ATRX: variants seen among roughly 807,000 people sequenced by gnomAD.
The protein encoded by ATRX is chromatin remodeler ATRX.
In ATRX, 12 loss-of-function variants were observed where a neutral mutation model predicts 172.6. The ratio of observed to expected loss-of-function variants is 0.07; its 90% confidence interval spans 0.04 to 0.11. ATRX has a LOEUF of 0.11. ATRX is among the 10% of genes least tolerant of loss of function. ATRX has a pLI of 1.00. For missense variants in ATRX, 1,368 were observed against 1,767.4 expected (o/e 0.77, Z 4.05); for synonymous variants, 674 against 594.7 (o/e 1.13, Z -1.94).
chrX:77,734,574 G>T (rs781860232), intron 1 of ATRX, among the ~76,000 whole-genome samples: 1 of 111,382 alleles, frequency 9.0e-6, no homozygotes, highest in South Asian at 3.8e-4. Flanking sequence ...ATCACCTGAG[G>T]TCAGGAGTTT....
intron 33 of ATRX, 193 bp downstream of exon 33, chrX:77,521,210 C>T (rs1033285300): frequency 1.1e-5 from 5 of 441,356 alleles, no homozygotes; most frequent in African/African-American, 2.5e-5. Flanking sequence ...TTACATTTTA[C>T]CCATTTCTCT....
intron 19 of ATRX, among the ~76,000 whole-genome samples, chrX:77,625,556 C>A (rs919523201): frequency 9.8e-5 from 11 of 112,277 alleles, no homozygotes; most frequent in African/African-American, 2.3e-4. Context: ...AAGAAAAAAA[C>A]CAAACAATCT....
At chrX:77,733,458 T>C (rs1231755368) in intron 1 of ATRX, among the ~76,000 whole-genome samples, 1 of 110,547 alleles carries the variant, frequency 9.0e-6, no homozygotes, top group African/African-American at 3.3e-5. Context: ...AGCAGACACA[T>C]AAACCAATGG....
At chrX:77,608,148 G>A (rs781830740) in intron 22 of ATRX, among the ~76,000 whole-genome samples, 10 of 109,552 alleles carry the variant, frequency 9.1e-5, no homozygotes, top group Non-Finnish European at 1.7e-4. Flanking sequence ...TTGGGAGGCC[G>A]AGGCAGGCGG....
chrX:77,682,492 C>T lies in ATRX; in HGVS notation c.2764G>A (p.Asp922Asn), dbSNP rs373581602. ...QQASASTDGV[D>N]KLSGKEESFT... ...CTCTCCTCTTTCCCAGAAAGCTTAT[C>T]GACACCATCAGTGGAAGCACTTGCT... Residue 922 changes from aspartate (D) to asparagine (N), a missense_variant, in exon 9 of 35, where the codon GAT (aspartate) becomes AAT (asparagine). Transcript: ENST00000373344. 2.0e-5 allele frequency: 24 copies of T among 1,209,714 alleles called. No homozygotes were observed. Among genetic ancestry groups the T allele is most frequent in the African/African-American group, 1.0e-4 (6 of 57,245 alleles).
chrX:77,559,352 G>A (rs1557060710), intron 28 of ATRX, among the ~76,000 whole-genome samples: 1 of 105,008 alleles, frequency 9.5e-6, no homozygotes, highest in South Asian at 4.2e-4. Context: ...CAGACACGGG[G>A]CTCCAGGAAG....
At chrX:77,599,152 G>C (rs1162085811) in intron 25 of ATRX, among the ~76,000 whole-genome samples, 1 of 111,682 alleles carries the variant, frequency 9.0e-6, no homozygotes, top group Non-Finnish European at 1.9e-5. Flanking sequence ...GAAAATAATA[G>C]AGTTTAGGTA....
intron 17 of ATRX, 121 bp downstream of exon 17, chrX:77,634,473 T>G (rs1473721446): frequency 1.7e-6 from 1 of 572,259 alleles, no homozygotes; most frequent in African/African-American, 2.3e-5. Flanking sequence ...GAGACAGATC[T>G]TGTTATTCTT....
At chrX:77,746,567 C>T (rs918701544) in intron 1 of ATRX, among the ~76,000 whole-genome samples, 6 of 111,516 alleles carry the variant, frequency 5.4e-5, no homozygotes, top group African/African-American at 2.0e-4. Flanking sequence ...TAAATTAGTA[C>T]ACACTCTCAA....
intron 30 of ATRX, among the ~76,000 whole-genome samples, chrX:77,531,116 T>C (rs1394371026): frequency 9.0e-6 from 1 of 111,375 alleles, no homozygotes; most frequent in Non-Finnish European, 1.9e-5. Flanking sequence ...ACTAGTAACA[T>C]GTTCTGAAAT....
chrX:77,774,200 C>T (rs2076267520), intron 1 of ATRX, among the ~76,000 whole-genome samples: 1 of 105,509 alleles, frequency 9.5e-6, no homozygotes, highest in Non-Finnish European at 1.9e-5. Flanking sequence ...CCAGCCTGGG[C>T]AACAAGAGCA....
intron 22 of ATRX, among the ~76,000 whole-genome samples, chrX:77,606,757 C>CAAAAAAA (rs782601756): frequency 4.0e-4 from 27 of 66,981 alleles, no homozygotes; most frequent in African/African-American, 7.8e-4. Flanking sequence ...CTCATCTCTA[C>CAAAAAAA]AAAAAAAAAA....
At chrX:77,766,470 G>A (rs1333598647) in intron 1 of ATRX, among the ~76,000 whole-genome samples, 3 of 108,565 alleles carry the variant, frequency 2.8e-5, no homozygotes, top group African/African-American at 6.7e-5. Flanking sequence ...CAGACGAGGC[G>A]GTTGCCACGC....
At chrX:77,539,407 T>A (rs1172095940) in intron 30 of ATRX, among the ~76,000 whole-genome samples, 2 of 111,280 alleles carry the variant, frequency 1.8e-5, no homozygotes, top group Non-Finnish European at 3.8e-5. Context: ...CAAAAATGTA[T>A]GTCATAAATC....
At chrX:77,763,203 G>A (rs1281932110) in intron 1 of ATRX, among the ~76,000 whole-genome samples, 1 of 108,572 alleles carries the variant, frequency 9.2e-6, no homozygotes, top group Non-Finnish European at 1.9e-5. Flanking sequence ...GGACTGCAAT[G>A]GCACAATCTT....
At chrX:77,644,021 C>A (rs1311557355) in intron 15 of ATRX, among the ~76,000 whole-genome samples, 1 of 111,735 alleles carries the variant, frequency 8.9e-6, no homozygotes, top group Non-Finnish European at 1.9e-5. Context: ...CTCACTGCAA[C>A]CTCTGCCTCC....
chrX:77,597,343 G>GA (rs2066501693), intron 25 of ATRX, among the ~76,000 whole-genome samples: 1 of 110,077 alleles, frequency 9.1e-6, no homozygotes, highest in African/African-American at 3.3e-5. Flanking sequence ...CACCGAGTCA[G>GA]AAAGAATTTA....
chrX:77,520,901 T>C lies in ATRX; in HGVS notation c.7087A>G (p.Asn2363Asp). 8.3e-7 allele frequency: 1 copy of C among 1,208,946 alleles called. No individual in the cohort carries two copies. The highest frequency in any genetic ancestry group is 1.1e-6 in the Non-Finnish European group (1 of 893,000). The change falls in exon 34 of 35, where the codon AAT (asparagine) becomes GAT (aspartate). Residue 2363 changes from asparagine (N) to aspartate (D), a missense_variant. Transcript: ENST00000373344. The stretch of plus-strand genomic sequence containing the variant: ...GCCTGTACTTGGGCCTCTGAGAGAT[T>C]CATGTTCTCCTTCCACTAAAAGAAA... The part of the protein sequence containing the change: ...IISAVWKENM[N>D]LSEAQVQALA...
rs1557139331 is a variant in ATRX, at chrX:77,682,686, T to C, written c.2570A>G (p.Lys857Arg). 8.3e-7 allele frequency: 1 copy of C among 1,209,497 alleles called. No homozygotes were observed. The highest frequency in any genetic ancestry group is 2.2e-5 in the Admixed American group (1 of 45,994). ...GTGCCCTTGATTATCCATTCCTTTT[T>C]TGCTGTGTTTCTCATCTTCAGAAGA... ...FDSSEDEKHS[K>R]KGMDNQGHKN... Residue 857 changes from lysine (K) to arginine (R), a missense_variant, in exon 9 of 35, where the codon AAA becomes AGA. This residue lies in a region of ATRX where 843 missense variants were observed against 643.1 expected (regional missense o/e 1.31). Transcript: ENST00000373344.
Sources: gnomAD v4.1 joint callset for allele counts (sites outside exome capture counted in the v4.1 genomes callset) on GRCh38, gnomAD v4.1.1 for gene constraint, gnomAD v4.1.1 regional missense constraint, MANE v1.5 for transcripts, NCBI Gene and HGNC (gene_info 2026-07-23, HGNC 2026-07-21) for gene names.